The following GATA4 variants were observed in gnomAD, a reference collection of about 807,000 sequenced individuals.
The protein encoded by GATA4 is transcription factor GATA-4.
A neutral mutation model predicts 37.9 loss-of-function variants in GATA4; 7 were observed. The observed-to-expected ratio is 0.18, with a 90% CI of 0.11 to 0.35. The LOEUF is 0.35. GATA4 is among the 10% of genes least tolerant of loss of function. GATA4 has a pLI of 1.00. For missense variants in GATA4, 647 were observed against 653.0 expected, an observed-to-expected ratio of 0.99 and a Z score of 0.10; for synonymous variants, 372 against 292.6, an observed-to-expected ratio of 1.27 and a Z score of -2.77.
intron 2 of GATA4, among the ~76,000 whole-genome samples, chr8:11,720,936 C>G (rs778774958): frequency 2.6e-5 from 4 of 152,124 alleles, no homozygotes; most frequent in African/African-American, 9.7e-5. Flanking sequence ...GTTCAGCTCC[C>G]TTCACACCCC....
rs1337923376 is a variant in GATA4, at chr8:11,707,254, A to C, written c.-457-602A>C. Among the ~76,000 whole-genome samples, 1 of 151,572 alleles carries C rather than the reference A, an allele frequency of 6.6e-6. No homozygotes were observed. The highest frequency in any genetic ancestry group is 1.5e-5 in the Non-Finnish European group (1 of 67,950). On this transcript the variant is annotated intron_variant, in intron 1 of 6. Coordinates refer to ENST00000532059, the MANE Select transcript of GATA4 (RefSeq NM_001308093.3). This position sits in a 1 kb window ranked among gnomAD's most constrained non-coding sequence, Gnocchi z 4.7. ...TTAGTGTATGGATGAGGGTTTCAGA[A>C]CCCTCTTCAGGAGGCTTAGCAGACA...
intron 2 of GATA4, among the ~76,000 whole-genome samples, chr8:11,722,086 G>A (rs1405901998): frequency 1.3e-5 from 2 of 152,066 alleles, no homozygotes; most frequent in African/African-American, 4.8e-5. Context: ...GGGCTTAAGC[G>A]ATCCTCCTGC....
At chr8:11,697,274 A>T (rs1799535068) in intron 1 of GATA4, among the ~76,000 whole-genome samples, 1 of 152,170 alleles carries the variant, frequency 6.6e-6, no homozygotes, top group Non-Finnish European at 1.5e-5. Flanking sequence ...AACGAGGGGG[A>T]TGAGTGGAAA....
At chr8:11,680,925 T>C (rs981825950) in intron 1 of GATA4, 16 of 985,120 alleles carry the variant, frequency 1.6e-5, no homozygotes, top group Non-Finnish European at 1.8e-5. Context: ...TCACAGTAGG[T>C]GTTTCATCAA....
chr8:11,754,681 C>G (rs1018656679), intron 4 of GATA4, among the ~76,000 whole-genome samples: 1 of 152,210 alleles, frequency 6.6e-6, no homozygotes, highest in African/African-American at 2.4e-5. Flanking sequence ...ACGTGCCCCT[C>G]CTTCCCACTC....
At chr8:11,732,558 C>T (rs576136397) in intron 2 of GATA4, among the ~76,000 whole-genome samples, 31 of 152,232 alleles carry the variant, frequency 2.0e-4, no homozygotes, top group African/African-American at 7.2e-4. Context: ...TATTGCAAAA[C>T]AAGGATAAAA....
At chr8:11,718,331 G>T (rs4469416) in intron 2 of GATA4, among the ~76,000 whole-genome samples, 2,101 of 152,334 alleles carry the variant, frequency 0.014, 22 homozygotes, top group Non-Finnish European at 0.02. Context: ...CTGAATGATG[G>T]GAATTTGGTT....
At chr8:11,679,188 G>GGGGGC (rs1798875188) in intron 1 of GATA4, among the ~76,000 whole-genome samples, 1 of 142,576 alleles carries the variant, frequency 7.0e-6, no homozygotes, top group Non-Finnish European at 1.6e-5. Context: ...GCGGGGGGGG[G>GGGGGC]CACTTTCGCC....
chr8:11,677,813 G>T (rs779280068), intron 1 of GATA4, among the ~76,000 whole-genome samples: 9 of 151,912 alleles, frequency 5.9e-5, no homozygotes, highest in Non-Finnish European at 1.3e-4. Flanking sequence ...GAGGCGTGGG[G>T]GTGGGTTTTG....
chr8:11,713,904 T>A (rs1800316245), intron 2 of GATA4, among the ~76,000 whole-genome samples: 1 of 152,218 alleles, frequency 6.6e-6, no homozygotes, highest in Non-Finnish European at 1.5e-5. Context: ...TGTTTCCTTT[T>A]AAAGAACCCA....
At chr8:11,737,394 A>G (rs1024409831) in intron 2 of GATA4, among the ~76,000 whole-genome samples, 7 of 152,224 alleles carry the variant, frequency 4.6e-5, no homozygotes, top group Admixed American at 3.9e-4. Flanking sequence ...CTGCAGACCC[A>G]TTGTCTCGGT....
upstream of GATA4, among the ~76,000 whole-genome samples, chr8:11,690,846 G>A (rs751890758): frequency 5.3e-5 from 8 of 152,170 alleles, no homozygotes; most frequent in Non-Finnish European, 8.8e-5. Context: ...ACTCCAACCT[G>A]GGTGAAAGGG....
At chr8:11,704,962 C>G (rs1799827172) in intron 1 of GATA4, among the ~76,000 whole-genome samples, 1 of 152,238 alleles carries the variant, frequency 6.6e-6, no homozygotes, top group Non-Finnish European at 1.5e-5. Context: ...GCCAAGGGCC[C>G]GAGCCCGGAC....
chr8:11,702,951 G>A (rs1799734811), upstream of GATA4, among the ~76,000 whole-genome samples: 1 of 152,218 alleles, frequency 6.6e-6, no homozygotes, highest in Non-Finnish European at 1.5e-5. This position sits in a 1 kb window ranked among gnomAD's most constrained non-coding sequence, Gnocchi z 4.4. Flanking sequence ...ACGATCCCAT[G>A]GGGGGTTTCC....
At chr8:11,685,575 C>G (rs1799109333) in intron 1 of GATA4, among the ~76,000 whole-genome samples, 1 of 152,138 alleles carries the variant, frequency 6.6e-6, no homozygotes. Context: ...CTCAAAACTC[C>G]AAGAACAGCC....
At chr8:11,745,605 A>G (rs1470226635) in intron 2 of GATA4, among the ~76,000 whole-genome samples, 4 of 151,964 alleles carry the variant, frequency 2.6e-5, no homozygotes, top group Admixed American at 1.3e-4. Context: ...TTTTCTTTAC[A>G]TCAGTGTAGT....
intron 1 of GATA4, among the ~76,000 whole-genome samples, chr8:11,693,522 AACACACACACACACACACAC>A (rs140439542): frequency 1.8e-5 from 2 of 109,962 alleles, no homozygotes; most frequent in Non-Finnish European, 3.5e-5. Flanking sequence ...ATTCAGCACA[AACACACACACACACACACAC>A]ACACACACAC....
intron 2 of GATA4, among the ~76,000 whole-genome samples, chr8:11,721,189 C>T (rs1181911725): frequency 1.3e-5 from 2 of 151,096 alleles, no homozygotes; most frequent in Admixed American, 1.3e-4. Context: ...CCGAAACTGG[C>T]CTGGGCGCCT....
chr8:11,708,555 G>C lies in GATA4; in HGVS notation c.243G>C (p.Gly81=). Residue 81 remains glycine (G), a synonymous_variant, in exon 2 of 7, where the codon GGG becomes GGC. Coordinates refer to ENST00000532059, the MANE Select transcript of GATA4 (RefSeq NM_001308093.3). The surrounding 1 kb of genome is among the most constrained non-coding windows in gnomAD (Gnocchi z 6.7). The part of the protein sequence containing the change: ...SGGAASGAGP[G]TQQGSPGWSQ... ...GGGCCGCGTCTGGTGCGGGGCCCGG[G>C]ACCCAGCAGGGCAGCCCGGGATGGA... 4 of 1,409,954 alleles carry C rather than the reference G, an allele frequency of 2.8e-6. No homozygotes were observed. In the South Asian group the frequency reaches 6.2e-5, roughly 22 times the overall value. 87.3% of individuals were successfully genotyped at this position (1,409,954 alleles called of 1,614,324 possible). A position where few individuals can be genotyped will look rare whatever the true frequency, so the allele number is the denominator to read the frequency against.
Sources: gnomAD v4.1 joint callset for allele counts (sites outside exome capture counted in the v4.1 genomes callset) on GRCh38, gnomAD v4.1.1 for gene constraint, Gnocchi (gnomAD v3.1) non-coding constraint, MANE v1.5 for transcripts, NCBI Gene and HGNC (gene_info 2026-07-23, HGNC 2026-07-21) for gene names.